The following NMD3 variants were observed in gnomAD, a reference collection of about 807,000 sequenced individuals.
The protein encoded by NMD3 is 60S ribosomal export protein NMD3.
NMD3 carries 47 observed loss-of-function variants against 73.1 expected under a neutral mutation model. The ratio of observed to expected loss-of-function variants is 0.64; its 90% CI spans 0.51 to 0.82. The LOEUF (loss-of-function observed/expected upper bound fraction) is 0.82. NMD3 is among the 40% of genes least tolerant of loss of function. The pLI is 0.00. For synonymous variants in NMD3, 210 were observed against 194.5 expected (o/e 1.08, Z -0.66); for missense variants, 554 against 612.5 (o/e 0.90, Z 1.01).
At chr3:161,241,269 G>T in intron 10 of NMD3, 106 bp downstream of exon 10, 1 of 724,106 alleles carries the variant, frequency 1.4e-6, no homozygotes, top group Non-Finnish European at 2.4e-6. Flanking sequence ...TGTTTTGAAA[G>T]GTTAGTTAAA....
chr3:161,247,311 C>CA lies in NMD3; in HGVS notation c.1185dup (p.Asp396ArgfsTer2). The CA allele has an allele frequency of 6.2e-7, 1 of 1,609,424 alleles. No individual in the cohort carries two copies. The highest frequency in any genetic ancestry group is 2.2e-5 in the East Asian group (1 of 44,734). ...GATGAGCATGTCAACAAAATGAACTCAGATAGAGTTCCAGATGTGGTAAGG... is the reference window on the plus strand; with the variant it reads ...GATGAGCATGTCAACAAAATGAACTCAAGATAGAGTTCCAGATGTGGTAAGG... On this transcript the variant is annotated frameshift_variant, in exon 13 of 16. Transcript: ENST00000351193. LOFTEE classifies it high-confidence loss of function.
chr3:161,227,216 T>C, intron 3 of NMD3, 31 bp from the exon 4 acceptor site: 1 of 1,368,364 alleles, frequency 7.3e-7, no homozygotes, highest in Non-Finnish European at 1.0e-6. Flanking sequence ...CTGACAGATG[T>C]TGGATTTCAG....
intron 9 of NMD3, 144 bp downstream of exon 9, chr3:161,238,970 G>A (rs1736871192): frequency 2.1e-6 from 1 of 480,722 alleles, no homozygotes; most frequent in Admixed American, 3.9e-5. Flanking sequence ...AACACATTCA[G>A]CCATGTTAAA....
At chr3:161,234,673 A>C (rs1736673980) in intron 5 of NMD3, 54 bp from the exon 6 acceptor site, 1 of 1,477,968 alleles carries the variant, frequency 6.8e-7, no homozygotes, top group Non-Finnish European at 9.2e-7. Context: ...TTTAAAGAAA[A>C]TATTTGTTAT....
intron 10 of NMD3, among the ~76,000 whole-genome samples, chr3:161,242,077 G>C (rs2108094399): frequency 6.6e-6 from 1 of 152,030 alleles, no homozygotes; most frequent in East Asian, 1.9e-4. Flanking sequence ...TTATCAGTTA[G>C]GATTCATAAG....
intron 7 of NMD3, among the ~76,000 whole-genome samples, chr3:161,235,900 C>T (rs949140603): frequency 2.0e-5 from 3 of 152,080 alleles, no homozygotes; most frequent in Non-Finnish European, 4.4e-5. Context: ...TCTTTCTACT[C>T]ACCTCACCTT....
chr3:161,234,010 A>C (rs9836094), intron 5 of NMD3, among the ~76,000 whole-genome samples: 24,282 of 152,122 alleles, frequency 0.16, 2,124 homozygotes, highest in East Asian at 0.24. Flanking sequence ...TTGAAGCTGA[A>C]ATTTCAGATT....
chr3:161,246,740 G>A (rs530925014), intron 12 of NMD3, among the ~76,000 whole-genome samples: 2 of 152,124 alleles, frequency 1.3e-5, no homozygotes, highest in Non-Finnish European at 2.9e-5. Context: ...TGCAGATTGG[G>A]TCTTTTTTAT....
At chr3:161,238,224 A>G (rs775003938) in intron 8 of NMD3, 33 bp downstream of exon 8, 22 of 1,348,700 alleles carry the variant, frequency 1.6e-5, no homozygotes, top group Non-Finnish European at 2.3e-5. Context: ...GACTAAATCT[A>G]AGGACTTGGG....
At chr3:161,233,824 G>T (rs999861194) in intron 5 of NMD3, among the ~76,000 whole-genome samples, 1 of 152,138 alleles carries the variant, frequency 6.6e-6, no homozygotes, top group East Asian at 1.9e-4. Flanking sequence ...TCTATAAGTA[G>T]GTTGAGTATC....
At chr3:161,252,471 A>G (rs1432457823), downstream of NMD3, among the ~76,000 whole-genome samples, 1 of 152,150 alleles carries the variant, frequency 6.6e-6, no homozygotes, top group South Asian at 2.1e-4. Context: ...ACTCATTTTG[A>G]TGTTCTATTA....
chr3:161,225,107 A>G (rs1249981127), intron 3 of NMD3, 43 bp downstream of exon 3: 6 of 1,568,100 alleles, frequency 3.8e-6, no homozygotes, highest in Non-Finnish European at 5.2e-6. Flanking sequence ...GTTGGAATTT[A>G]CATTTAGAGA....
intron 4 of NMD3, 34 bp from the exon 5 acceptor site, chr3:161,233,365 A>G: frequency 1.3e-6 from 2 of 1,500,146 alleles, no homozygotes; most frequent in East Asian, 2.3e-5. Flanking sequence ...CTAGGTGAGA[A>G]CTTACGTTTC....
In NMD3 at chr3:161,238,194, A is replaced by T; in HGVS notation, c.656+3A>T. The T allele has an allele frequency of 1.9e-6, 3 of 1,579,678 alleles. No homozygotes were observed. The highest frequency in any genetic ancestry group is 8.7e-7 in the Non-Finnish European group (1 of 1,155,062). On this transcript the variant is annotated splice_donor_region_variant and intron_variant, in intron 8 of 15. Transcript: ENST00000351193. ...CTTCAGTGTACAGTTCCCTGTAGGT[A>T]TGTTCTGAACCTTGAATGTGACTAA...
At chr3:161,252,685 G>A (rs145689197), downstream of NMD3, 2 of 567,940 alleles carry the variant, frequency 3.5e-6, no homozygotes, top group South Asian at 4.2e-5. Flanking sequence ...GGGAAGGCTG[G>A]TATTAATCAA....
Position 161,251,126 on chromosome 3 carries a change from T to C in NMD3, c.*216T>C, listed in dbSNP as rs73875464. 0.063 allele frequency: 23,307 copies of C among 367,610 alleles called. 1,241 individuals carry two copies. Among genetic ancestry groups the C allele is most frequent in the South Asian group, 0.16 (2,705 of 16,754 alleles). 22.8% of individuals were successfully genotyped at this position (367,610 alleles called of 1,614,324 possible). A position where few individuals can be genotyped will look rare whatever the true frequency, so the allele number is the denominator to read the frequency against. ...AAGATTATGGAGAATGTAGTTGTTA[T>C]TGATTTTTGGCAATTTTACATTTGG... On this transcript the variant is annotated 3_prime_UTR_variant, in exon 16 of 16. Transcript: ENST00000351193.
chr3:161,235,141 T>A lies in NMD3; in HGVS notation c.506T>A (p.Phe169Tyr), dbSNP rs756400426. 1 of 1,530,432 alleles carries A rather than the reference T, an allele frequency of 6.5e-7. No homozygotes were observed. Among genetic ancestry groups the A allele is most frequent in the Non-Finnish European group, 8.9e-7 (1 of 1,120,692 alleles). The allele number at this position is 1,530,432 out of a possible 1,614,324, so 94.8% of individuals were successfully genotyped here. Residue 169 changes from phenylalanine (F) to tyrosine (Y), a missense_variant, in exon 7 of 16, where the codon TTC becomes TAC. Coordinates refer to ENST00000351193, the MANE Select transcript of NMD3 (RefSeq NM_015938.5). Reference sequence around the variant, plus strand: ...TTTTAGACTTTGCATAAAAAAACTTTCTACTATCTGGAACAGTTAATTCTG... The same window carrying A: ...TTTTAGACTTTGCATAAAAAAACTTACTACTATCTGGAACAGTTAATTCTG... ...VRQKTLHKKT[F>Y]YYLEQLILKY... is the part of the protein sequence containing the mutation.
At chr3:161,239,815 C>T (rs905819445) in intron 9 of NMD3, among the ~76,000 whole-genome samples, 98 of 152,190 alleles carry the variant, frequency 6.4e-4, no homozygotes, top group Admixed American at 3.4e-3. Flanking sequence ...GTCGTATAAT[C>T]TCTTTTGCAG....
At chr3:161,244,185 C>G (rs757930600) in intron 11 of NMD3, among the ~76,000 whole-genome samples, 1 of 152,094 alleles carries the variant, frequency 6.6e-6, no homozygotes, top group Non-Finnish European at 1.5e-5. Flanking sequence ...GGCTGGAGTG[C>G]GGTATGGCTT....
Sources: gnomAD v4.1 joint callset for allele counts (sites outside exome capture counted in the v4.1 genomes callset) on GRCh38, gnomAD v4.1.1 for gene constraint, MANE v1.5 for transcripts, NCBI Gene and HGNC (gene_info 2026-07-23, HGNC 2026-07-21) for gene names.